The following DYM variants were observed in gnomAD, a reference collection of about 807,000 sequenced individuals.
DYM encodes dymeclin, also known as dyggve-Melchior-Clausen syndrome protein.
Under a neutral mutation model 93.1 loss-of-function variants are expected in DYM, and 78 were observed. The observed-to-expected ratio is 0.84, with a 90% CI of 0.70 to 1.01. The LOEUF is 1.01. DYM is among the 50% of genes least tolerant of loss of function. The pLI, the probability that DYM is intolerant of heterozygous loss-of-function variation, is 0.00. For synonymous variants in DYM, 321 were observed against 319.7 expected (o/e 1.00, Z -0.04); for missense variants, 789 against 845.0 (o/e 0.93, Z 0.82).
At chr18:49,433,710 A>G (rs1251653460) in intron 1 of DYM, among the ~76,000 whole-genome samples, 1 of 152,064 alleles carries the variant, frequency 6.6e-6, no homozygotes, top group East Asian at 1.9e-4. Context: ...TCTACTAAAA[A>G]TACAAAAATT....
chr18:49,131,466 C>T (rs879649942), intron 15 of DYM, among the ~76,000 whole-genome samples: 6 of 152,122 alleles, frequency 3.9e-5, no homozygotes. Context: ...CTCAGGCAAT[C>T]CACTCGCTTT....
At chr18:49,084,160 A>C (rs891502975) in intron 17 of DYM, among the ~76,000 whole-genome samples, 2 of 152,110 alleles carry the variant, frequency 1.3e-5, no homozygotes, top group African/African-American at 4.8e-5. Context: ...GCATCTCACA[A>C]ATTTTGATAT....
chr18:49,216,964 G>A lies in DYM; in HGVS notation c.1461-7249C>T, dbSNP rs1342307955. On this transcript the variant is annotated intron_variant, in intron 13 of 17. Transcript: ENST00000675505. ...GACAATCAAAGTACTCCGAGCTACA[G>A]GAGGAAATTCAAACCGAAGGCAAAG... 3.9e-5 allele frequency among the ~76,000 whole-genome samples: 6 copies of A among 152,308 alleles called. No individual in the cohort carries two copies. In the East Asian group the frequency reaches 1.2e-3, roughly 29 times the overall value.
At chr18:49,212,087 C>T (rs2092811266) in intron 13 of DYM, among the ~76,000 whole-genome samples, 1 of 151,968 alleles carries the variant, frequency 6.6e-6, no homozygotes, top group Admixed American at 6.6e-5. Flanking sequence ...TCAAGCAAAC[C>T]AAAATTGAGG....
chr18:49,163,655 T>G (rs759637483), intron 15 of DYM, 30 bp downstream of exon 15: 21 of 1,536,692 alleles, frequency 1.4e-5, no homozygotes, highest in Non-Finnish European at 1.9e-5. Flanking sequence ...AAAGGAAAAT[T>G]TTTTATTGAT....
intron 13 of DYM, among the ~76,000 whole-genome samples, chr18:49,233,723 A>G (rs528280168): frequency 2.0e-5 from 3 of 152,298 alleles, no homozygotes; most frequent in African/African-American, 7.2e-5. Flanking sequence ...CATGGCTGCA[A>G]TTAATAAAGA....
intron 15 of DYM, among the ~76,000 whole-genome samples, chr18:49,139,897 T>C (rs1349433104): frequency 1.3e-5 from 2 of 152,178 alleles, no homozygotes; most frequent in African/African-American, 4.8e-5. Context: ...CTTTTGCTTC[T>C]CTTCTTTTCT....
chr18:49,066,807 T>C (rs557419731), intron 17 of DYM, among the ~76,000 whole-genome samples: 158 of 152,306 alleles, frequency 1.0e-3, no homozygotes, highest in Middle Eastern at 3.4e-3. Flanking sequence ...TCCCTGGATA[T>C]TGTTACAGCT....
At chr18:49,178,942 A>G (rs1470158721) in intron 14 of DYM, among the ~76,000 whole-genome samples, 1 of 151,884 alleles carries the variant, frequency 6.6e-6, no homozygotes, top group East Asian at 1.9e-4. Context: ...AAACCCAGAC[A>G]TAAATTCATG....
At chr18:49,285,306 G>A (rs901705320) in intron 9 of DYM, among the ~76,000 whole-genome samples, 4 of 152,116 alleles carry the variant, frequency 2.6e-5, no homozygotes, top group Non-Finnish European at 5.9e-5. Context: ...AGAATAACCC[G>A]GAAGAATCAT....
At chr18:49,291,489 G>C (rs1318166314) in intron 8 of DYM, among the ~76,000 whole-genome samples, 3 of 152,120 alleles carry the variant, frequency 2.0e-5, no homozygotes, top group African/African-American at 7.2e-5. Context: ...ATGGGGGAAG[G>C]GGGGAAATAG....
At chr18:49,080,463 G>A (rs1369877157) in intron 17 of DYM, among the ~76,000 whole-genome samples, 1,878 of 140,974 alleles carry the variant, frequency 0.013, 21 homozygotes, top group African/African-American at 0.046. Context: ...GGGGCGGCTG[G>A]GCAGAGGCGC....
chr18:49,432,009 G>C (rs1006816165), intron 1 of DYM: 5 of 152,272 alleles, frequency 3.3e-5, no homozygotes, highest in African/African-American at 1.2e-4. Context: ...TCTATATTAA[G>C]ACAGCTAATC....
chr18:49,221,762 G>A (rs9635894), intron 13 of DYM, among the ~76,000 whole-genome samples: 8 of 151,638 alleles, frequency 5.3e-5, no homozygotes, highest in Non-Finnish European at 1.2e-4. Flanking sequence ...GTTGTGGGGT[G>A]GGGGAAGGAG....
At chr18:49,275,360 T>C (rs1025341020) in intron 10 of DYM, among the ~76,000 whole-genome samples, 2 of 152,332 alleles carry the variant, frequency 1.3e-5, no homozygotes, top group African/African-American at 4.8e-5. Flanking sequence ...CACACTGTAT[T>C]GATTAGTGTT....
intron 1 of DYM, among the ~76,000 whole-genome samples, chr18:49,434,125 C>T (rs2080592759): frequency 1.3e-5 from 2 of 152,092 alleles, no homozygotes; most frequent in African/African-American, 4.8e-5. Context: ...ACGGGCAGAC[C>T]GTGAGGTCAG....
At chr18:49,103,866 T>C (rs1599766251) in intron 16 of DYM, among the ~76,000 whole-genome samples, 1 of 151,034 alleles carries the variant, frequency 6.6e-6, no homozygotes, top group East Asian at 1.9e-4. Context: ...GCTTTGTTCT[T>C]TTGGCTTAGG....
intron 17 of DYM, among the ~76,000 whole-genome samples, chr18:49,082,610 C>A (rs9955232): frequency 0.025 from 3,763 of 152,076 alleles, 149 homozygotes; most frequent in African/African-American, 0.084. Flanking sequence ...TATTAATACA[C>A]AAGGTAGCAG....
chr18:49,310,136 C>A (rs1260443632), intron 8 of DYM, among the ~76,000 whole-genome samples: 1 of 152,094 alleles, frequency 6.6e-6, no homozygotes, highest in Admixed American at 6.6e-5. Context: ...TGGGTAGACA[C>A]GTCAAGTGAT....
Sources: gnomAD v4.1 joint callset for allele counts (sites outside exome capture counted in the v4.1 genomes callset) on GRCh38, gnomAD v4.1.1 for gene constraint, MANE v1.5 for transcripts, NCBI Gene and HGNC (gene_info 2026-07-23, HGNC 2026-07-21) for gene names.